Variants in LDLRAD4 observed in about 807,000 individuals in gnomAD.
The protein encoded by LDLRAD4 is low density lipoprotein receptor class A domain containing 4, also known as low-density lipoprotein receptor class A domain-containing protein 4.
In LDLRAD4, 5 loss-of-function variants were observed where a neutral mutation model predicts 17.0. That is an observed-to-expected ratio of 0.29 (90% CI 0.15 to 0.62). The LOEUF (loss-of-function observed/expected upper bound fraction) is 0.62, where lower values mean the gene tolerates loss of function less well. Among genes scored for constraint, LDLRAD4 ranks in the 20% least tolerant of loss-of-function variants. The pLI, the probability that LDLRAD4 is intolerant of heterozygous loss-of-function variation, is 0.84. For synonymous variants in LDLRAD4, 168 were observed against 171.8 expected, an observed-to-expected ratio of 0.98 and a Z score of 0.17; for missense variants, 340 against 424.7, an observed-to-expected ratio of 0.80 and a Z score of 1.75.
At chr18:13,485,040 T>C (rs1265439955) in intron 3 of LDLRAD4, among the ~76,000 whole-genome samples, 1 of 152,220 alleles carries the variant, frequency 6.6e-6, no homozygotes, top group East Asian at 1.9e-4. Context: ...GGAGAAATAT[T>C]CTGCAGCGTA....
chr18:13,446,106 G>T (rs2091385621), intron 3 of LDLRAD4, among the ~76,000 whole-genome samples: 1 of 152,174 alleles, frequency 6.6e-6, no homozygotes, highest in Admixed American at 6.5e-5. Flanking sequence ...TTGGAATTAG[G>T]TAGGAAGGGA....
At chr18:13,572,075 A>C (rs1250157810) in intron 3 of LDLRAD4, among the ~76,000 whole-genome samples, 1 of 152,250 alleles carries the variant, frequency 6.6e-6, no homozygotes, top group African/African-American at 2.4e-5. Flanking sequence ...TGTAATTTTA[A>C]ATGAAATGAC....
At chr18:13,541,133 C>T (rs567334670) in intron 3 of LDLRAD4, among the ~76,000 whole-genome samples, 37 of 152,288 alleles carry the variant, frequency 2.4e-4, no homozygotes, top group South Asian at 6.2e-4. Flanking sequence ...GCACTCTCAC[C>T]GGGGTATAAA....
intron 3 of LDLRAD4, among the ~76,000 whole-genome samples, chr18:13,579,239 G>C (rs189416378): frequency 5.5e-4 from 84 of 152,276 alleles, no homozygotes; most frequent in African/African-American, 2.0e-3. Flanking sequence ...AAATGATAGT[G>C]CTGATTTATG....
At chr18:13,428,722 G>T (rs2090119683) in intron 2 of LDLRAD4, among the ~76,000 whole-genome samples, 1 of 152,138 alleles carries the variant, frequency 6.6e-6, no homozygotes, top group South Asian at 2.1e-4. Flanking sequence ...AACAGAGTGT[G>T]TGGATGGGTT....
chr18:13,373,236 G>A (rs571679544), intron 1 of LDLRAD4, among the ~76,000 whole-genome samples: 1 of 152,186 alleles, frequency 6.6e-6, no homozygotes, highest in Non-Finnish European at 1.5e-5. Context: ...CGCAGCAGTT[G>A]TAGCGCTCTG....
intron 1 of LDLRAD4, among the ~76,000 whole-genome samples, chr18:13,231,168 G>A (rs1238558701): frequency 1.3e-5 from 2 of 152,194 alleles, no homozygotes; most frequent in Admixed American, 6.5e-5. Flanking sequence ...GTTCAGAGGC[G>A]TATAGATGTC....
intron 3 of LDLRAD4, among the ~76,000 whole-genome samples, chr18:13,500,152 G>C (rs1161089469): frequency 6.6e-6 from 1 of 152,206 alleles, no homozygotes; most frequent in Non-Finnish European, 1.5e-5. Context: ...AGGTTGCTAG[G>C]CTTTAAAAAT....
At position 13,468,767 on chromosome 18, in the gene LDLRAD4, G is replaced by C. The variant is rs549442335; in HGVS notation, c.181+30383G>C. Reference sequence around the variant, plus strand: ...TTGCAAGGACAAAAAACCAAACACTGCATGTTCTCACTCATAGGTGGGAAT... The same window carrying C: ...TTGCAAGGACAAAAAACCAAACACTCCATGTTCTCACTCATAGGTGGGAAT... On this transcript the variant is annotated intron_variant, in intron 3 of 5. Coordinates refer to ENST00000359446, the Ensembl canonical transcript of LDLRAD4. 6.9e-3 allele frequency among the ~76,000 whole-genome samples: 1,028 copies of C among 148,146 alleles called. 15 individuals are homozygous for C. Among genetic ancestry groups the C allele is most frequent in the African/African-American group, 0.024 (970 of 40,170 alleles).
intron 3 of LDLRAD4, among the ~76,000 whole-genome samples, chr18:13,449,256 G>A (rs757990879): frequency 4.3e-4 from 65 of 152,190 alleles, no homozygotes; most frequent in African/African-American, 1.5e-3. Context: ...CCTTAGAGGG[G>A]CACCTTCTTG....
intron 1 of LDLRAD4, among the ~76,000 whole-genome samples, chr18:13,357,925 G>A (rs2083440361): frequency 1.3e-5 from 2 of 151,920 alleles, no homozygotes; most frequent in South Asian, 2.1e-4. Flanking sequence ...TTGATGTTTC[G>A]ATCCATCACA....
chr18:13,402,854 C>T (rs1032014707), intron 2 of LDLRAD4, among the ~76,000 whole-genome samples: 1 of 152,138 alleles, frequency 6.6e-6, no homozygotes, highest in Non-Finnish European at 1.5e-5. Context: ...TGATGAAAAA[C>T]ATGCTTATCA....
At chr18:13,475,897 G>A (rs549739268) in intron 3 of LDLRAD4, among the ~76,000 whole-genome samples, 2 of 152,320 alleles carry the variant, frequency 1.3e-5, no homozygotes, top group South Asian at 2.1e-4. Context: ...GCAGAGGAAC[G>A]AAAGAATTTG....
chr18:13,376,843 C>A (rs189666173), intron 1 of LDLRAD4, among the ~76,000 whole-genome samples: 2 of 152,326 alleles, frequency 1.3e-5, no homozygotes, highest in East Asian at 3.9e-4. Context: ...CACGCACGGG[C>A]CTTCGTTACC....
At chr18:13,360,115 G>C (rs999755987) in intron 1 of LDLRAD4, among the ~76,000 whole-genome samples, 1 of 152,226 alleles carries the variant, frequency 6.6e-6, no homozygotes, top group Admixed American at 6.5e-5. Context: ...TGAGTCTCCT[G>C]AGCGAGGGGC....
At chr18:13,243,985 A>T (rs1308342773) in intron 1 of LDLRAD4, among the ~76,000 whole-genome samples, 1 of 43,380 alleles carries the variant, frequency 2.3e-5, no homozygotes, top group African/African-American at 9.2e-5. Context: ...CCACCCACCC[A>T]CCCACCCACT....
intron 1 of LDLRAD4, among the ~76,000 whole-genome samples, chr18:13,370,728 TGAGA>T (rs2084430921): frequency 6.9e-6 from 1 of 145,570 alleles, no homozygotes. Context: ...TTTTTTTTTT[TGAGA>T]TGGATTCTTG....
At chr18:13,513,541 C>T (rs755319050) in intron 3 of LDLRAD4, among the ~76,000 whole-genome samples, 1 of 152,156 alleles carries the variant, frequency 6.6e-6, no homozygotes, top group Non-Finnish European at 1.5e-5. Flanking sequence ...TTGGGGATCC[C>T]GTGGGGAGCT....
intron 1 of LDLRAD4, among the ~76,000 whole-genome samples, chr18:13,234,226 C>T (rs1382014545): frequency 2.6e-5 from 4 of 152,184 alleles, no homozygotes; most frequent in Non-Finnish European, 4.4e-5. Flanking sequence ...CTGTGCCCCT[C>T]GGGCCTCCCT....
Sources: allele counts gnomAD v4.1 joint callset (sites outside exome capture counted in the v4.1 genomes callset), GRCh38; gene constraint gnomAD v4.1.1; transcripts MANE v1.5; gene names NCBI Gene and HGNC (gene_info 2026-07-23, HGNC 2026-07-21).